Variants in LEPR observed in about 807,000 individuals in gnomAD.
The protein encoded by LEPR is leptin receptor, also known as OB receptor.
Under a neutral mutation model 114.7 loss-of-function variants are expected in LEPR, and 56 were observed. The ratio of observed to expected loss-of-function variants is 0.49; its 90% CI spans 0.39 to 0.61. The LOEUF is 0.61. Among genes scored for constraint, LEPR ranks in the 20% least tolerant of loss-of-function variants. The probability of loss-of-function intolerance (pLI) is 0.00; values close to 1 mark genes in which losing one functional copy is unlikely to be tolerated. For missense variants in LEPR, 1,202 were observed against 1,352.9 expected, an observed-to-expected ratio of 0.89 and a Z score of 1.75; for synonymous variants, 443 against 461.4, an observed-to-expected ratio of 0.96 and a Z score of 0.51.
chr1:65,620,120 C>A, intron 17 of LEPR, 97 bp downstream of exon 17: 2 of 959,774 alleles, frequency 2.1e-6, no homozygotes, highest in Non-Finnish European at 3.3e-6. Flanking sequence ...CTGATAGAAT[C>A]ATGGAAGAGT....
At chr1:65,498,631 A>G (rs563846653) in intron 2 of LEPR, among the ~76,000 whole-genome samples, 17 of 152,264 alleles carry the variant, frequency 1.1e-4, no homozygotes, top group African/African-American at 4.1e-4. Context: ...TATAAACAGA[A>G]GAAGGAAAGG....
rs372455895 is a variant in LEPR, at chr1:65,439,114, A to G, written c.-21+13736A>G. ...TCAGGGTACTGCTGGGCAATAGGAC[A>G]TGAGTTCCCATTGCTTGTGGGATCT... is the stretch of plus-strand genomic sequence containing the variant. On this transcript the variant is annotated intron_variant, in intron 2 of 19. Coordinates refer to ENST00000349533, the MANE Select transcript of LEPR (RefSeq NM_002303.6). Among the ~76,000 whole-genome samples, 11 of 152,302 alleles carry G rather than the reference A, an allele frequency of 7.2e-5. No individual in the cohort carries two copies. In the East Asian group the frequency reaches 1.3e-3, roughly 19 times the overall value.
intron 5 of LEPR, among the ~76,000 whole-genome samples, chr1:65,584,276 A>G (rs561604927): frequency 6.6e-6 from 1 of 152,210 alleles, no homozygotes; most frequent in South Asian, 2.1e-4. Flanking sequence ...TTGTTGAAGA[A>G]TGGTATTTAC....
intron 15 of LEPR, among the ~76,000 whole-genome samples, chr1:65,616,615 A>G (rs761469933): frequency 1.4e-4 from 21 of 152,060 alleles, no homozygotes; most frequent in South Asian, 6.2e-4. Context: ...ATCATATTAA[A>G]TATATATTTA....
In LEPR at chr1:65,554,833, C is replaced by A. The variant is rs539896582; in HGVS notation, c.-20-10713C>A. On this transcript the variant is annotated intron_variant, in intron 2 of 19. Coordinates refer to ENST00000349533, the MANE Select transcript of LEPR (RefSeq NM_002303.6). ...ACTTTTGTGCTTGAAACCCAGGGCCCTGGTGGTGTAGGCACCCGAGGGAAT... is the reference window on the plus strand; with the variant it reads ...ACTTTTGTGCTTGAAACCCAGGGCCATGGTGGTGTAGGCACCCGAGGGAAT... Among the ~76,000 whole-genome samples the A allele has an allele frequency of 2.1e-3, 324 of 152,216 alleles. 4 individuals carry two copies. The highest frequency in any genetic ancestry group is 7.5e-3 in the African/African-American group (313 of 41,518).
chr1:65,514,507 A>T (rs1188181694), intron 2 of LEPR, among the ~76,000 whole-genome samples: 1 of 152,228 alleles, frequency 6.6e-6, no homozygotes, highest in African/African-American at 2.4e-5. Flanking sequence ...TAGAAAAGTA[A>T]ATATAAACAG....
chr1:65,603,900 G>A (rs1343198424), intron 10 of LEPR, among the ~76,000 whole-genome samples: 1 of 151,506 alleles, frequency 6.6e-6, no homozygotes, highest in East Asian at 1.9e-4. Flanking sequence ...GAATATACAT[G>A]GTTATATAAT....
chr1:65,513,224 C>T (rs866500214), intron 2 of LEPR, among the ~76,000 whole-genome samples: 4 of 152,266 alleles, frequency 2.6e-5, no homozygotes, highest in Middle Eastern at 3.4e-3. Context: ...GGTAGCTCTG[C>T]CTAGATCCAT....
At chr1:65,585,799 A>G (rs909694755) in intron 5 of LEPR, among the ~76,000 whole-genome samples, 3 of 151,998 alleles carry the variant, frequency 2.0e-5, no homozygotes, top group Admixed American at 6.6e-5. Context: ...TTTTATTCTC[A>G]TACTTTAAAA....
intron 2 of LEPR, among the ~76,000 whole-genome samples, chr1:65,539,571 TG>T (rs1469363592): frequency 1.3e-5 from 2 of 152,202 alleles, no homozygotes; most frequent in Admixed American, 1.3e-4. Context: ...TCAAACAACT[TG>T]TACTTTTTCC....
chr1:65,421,263 G>A lies in LEPR; in HGVS notation c.-97+523G>A, dbSNP rs934399205. On this transcript the variant is annotated intron_variant, in intron 1 of 19. Transcript: ENST00000349533. The stretch of plus-strand genomic sequence containing the variant: ...CAGAAAGACGGTGTTTCTCGCAGTC[G>A]TGGAGAGTAGATTACGTGTAATTTT... 3 of 1,452,176 alleles carry A rather than the reference G, an allele frequency of 2.1e-6. No individual in the cohort carries two copies. The Admixed American group carries it at 7.2e-5, about 35-fold the overall frequency. The allele number at this position is 1,452,176 out of a possible 1,614,324, so 90.0% of individuals were successfully genotyped here. A position where few individuals can be genotyped will look rare whatever the true frequency, so the allele number is the denominator to read the frequency against.
chr1:65,497,101 TTTC>T (rs1469991653), intron 2 of LEPR, among the ~76,000 whole-genome samples: 1 of 152,140 alleles, frequency 6.6e-6, no homozygotes, highest in Non-Finnish European at 1.5e-5. Context: ...TCACAAAACA[TTTC>T]TTAAGAGCAT....
At chr1:65,574,733 C>G (rs1451786449) in intron 5 of LEPR, among the ~76,000 whole-genome samples, 1 of 151,866 alleles carries the variant, frequency 6.6e-6, no homozygotes, top group Non-Finnish European at 1.5e-5. Flanking sequence ...TCCAATTTAC[C>G]CTCCAGAAAT....
chr1:65,503,068 G>A (rs1345312570), intron 2 of LEPR, among the ~76,000 whole-genome samples: 1 of 152,066 alleles, frequency 6.6e-6, no homozygotes, highest in Non-Finnish European at 1.5e-5. Flanking sequence ...GCTACACACT[G>A]TATGATTTCA....
intron 2 of LEPR, among the ~76,000 whole-genome samples, chr1:65,558,235 G>T (rs1570690201): frequency 6.6e-6 from 1 of 151,972 alleles, no homozygotes; most frequent in East Asian, 1.9e-4. Context: ...AAATCATGAG[G>T]GTTCCAAACA....
intron 2 of LEPR, chr1:65,432,019 T>C: frequency 1.4e-6 from 2 of 1,473,282 alleles, no homozygotes; most frequent in Non-Finnish European, 1.8e-6. Flanking sequence ...ATATGCTGGG[T>C]TTTTTAATAC....
rs889330823 is a variant in LEPR, at chr1:65,432,945, A to G, written c.-21+7567A>G. 22 of 984,022 alleles carry G rather than the reference A, an allele frequency of 2.2e-5. No homozygotes were observed. The African/African-American group carries it at 3.3e-4, about 15-fold the overall frequency. The allele number at this position is 984,022 out of a possible 1,614,324, so 61.0% of individuals were successfully genotyped here. On this transcript the variant is annotated intron_variant, in intron 2 of 19. Coordinates refer to ENST00000349533, the MANE Select transcript of LEPR (RefSeq NM_002303.6). ...AATAATTTGTCAATATATAATCAAA[A>G]TAAAAAACAAAACATACTCTCTCCC...
chr1:65,637,412 A>G lies in LEPR; in HGVS notation c.*397A>G, dbSNP rs1658754751. ...ACATGTCCTTGTGTGTTTTGAGAGT[A>G]TATTATGTATTTATATTTTGTGCTA... On this transcript the variant is annotated 3_prime_UTR_variant, in exon 20 of 20. Transcript: ENST00000349533. 5.9e-6 allele frequency: 1 copy of G among 169,190 alleles called. No individual in the cohort carries two copies. Among genetic ancestry groups the G allele is most frequent in the South Asian group, 1.5e-4 (1 of 6,542 alleles). 10.5% of individuals were successfully genotyped at this position (169,190 alleles called of 1,614,324 possible). A position where few individuals can be genotyped will look rare whatever the true frequency, so the allele number is the denominator to read the frequency against.
chr1:65,436,558 A>G (rs1418028607), intron 2 of LEPR, among the ~76,000 whole-genome samples: 1 of 152,258 alleles, frequency 6.6e-6, no homozygotes, highest in African/African-American at 2.4e-5. Flanking sequence ...CAACATAACT[A>G]TAAAATGGCC....
Sources: allele counts gnomAD v4.1 joint callset (sites outside exome capture counted in the v4.1 genomes callset), GRCh38; gene constraint gnomAD v4.1.1; transcripts MANE v1.5; gene names NCBI Gene and HGNC (gene_info 2026-07-23, HGNC 2026-07-21).